Variants in ADCY2 observed in about 807,000 individuals in gnomAD.
ADCY2 encodes the protein adenylate cyclase type 2.
ADCY2 carries 31 observed loss-of-function variants against 125.2 expected under a neutral mutation model. The ratio of observed to expected loss-of-function variants is 0.25; its 90% CI spans 0.19 to 0.33. The LOEUF (loss-of-function observed/expected upper bound fraction) is 0.33. Ranked by LOEUF, ADCY2 falls within the 10% of genes least tolerant of loss-of-function variation. The pLI is 1.00. For missense variants in ADCY2, 904 were observed against 1,418.2 expected (o/e 0.64, Z 5.82); for synonymous variants, 512 against 548.4 (o/e 0.93, Z 0.93).
intron 3 of ADCY2, among the ~76,000 whole-genome samples, chr5:7,600,836 G>A (rs1475553568): frequency 6.6e-6 from 1 of 152,256 alleles, no homozygotes; most frequent in East Asian, 1.9e-4. Flanking sequence ...CTAGGTCACT[G>A]TGAAGTTTAG....
At chr5:7,460,035 C>T (rs1741861527) in intron 2 of ADCY2, among the ~76,000 whole-genome samples, 1 of 151,908 alleles carries the variant, frequency 6.6e-6, no homozygotes, top group Admixed American at 6.6e-5. Context: ...ATCCACCTGT[C>T]TCAGCCTCCC....
At chr5:7,425,755 CT>C (rs1740363472) in intron 2 of ADCY2, among the ~76,000 whole-genome samples, 1 of 152,200 alleles carries the variant, frequency 6.6e-6, no homozygotes. Flanking sequence ...TCACAGTAAA[CT>C]TTTAGATTCA....
At chr5:7,591,059 T>G (rs1038041480) in intron 3 of ADCY2, among the ~76,000 whole-genome samples, 2 of 152,216 alleles carry the variant, frequency 1.3e-5, no homozygotes, top group African/African-American at 4.8e-5. Context: ...AATGATTTTG[T>G]TTTTAGCTTT....
chr5:7,464,563 G>A (rs1742034855), intron 2 of ADCY2, among the ~76,000 whole-genome samples: 1 of 152,142 alleles, frequency 6.6e-6, no homozygotes, highest in South Asian at 2.1e-4. Context: ...TTGTTATGCA[G>A]CAGTAGATAA....
At position 7,550,868 on chromosome 5, in the gene ADCY2, G is replaced by A. The variant is rs76206562; in HGVS notation, c.570+29969G>A. ...TCCCTGGGGCCCCTGGAATCTGATA[G>A]TGGACACTCCATGGCATTCTCTCTT... On this transcript the variant is annotated intron_variant, in intron 3 of 24. Transcript: ENST00000338316. Among the ~76,000 whole-genome samples the A allele has an allele frequency of 3.5e-3, 532 of 152,266 alleles. 3 individuals are homozygous for A. Among genetic ancestry groups the A allele is most frequent in the African/African-American group, 0.012 (497 of 41,566 alleles).
chr5:7,583,940 G>A (rs767285656), intron 3 of ADCY2, among the ~76,000 whole-genome samples: 12 of 152,044 alleles, frequency 7.9e-5, no homozygotes, highest in Non-Finnish European at 1.3e-4. Context: ...GATAAGTCAC[G>A]AAAACATATG....
At chr5:7,632,571 T>C (rs1480557645) in intron 4 of ADCY2, among the ~76,000 whole-genome samples, 5 of 152,188 alleles carry the variant, frequency 3.3e-5, no homozygotes, top group African/African-American at 1.2e-4. Context: ...ACACATACAC[T>C]TTACTTGAAA....
intron 2 of ADCY2, among the ~76,000 whole-genome samples, chr5:7,495,686 C>G (rs950966551): frequency 3.3e-5 from 5 of 152,170 alleles, no homozygotes; most frequent in Non-Finnish European, 7.3e-5. Context: ...TACAAGTAAA[C>G]CTGGAACAAT....
intron 3 of ADCY2, among the ~76,000 whole-genome samples, chr5:7,557,135 T>TATATATATA (rs1554019445): frequency 1.3e-5 from 1 of 77,466 alleles, no homozygotes; most frequent in African/African-American, 3.4e-5. Context: ...CAAAAACAGT[T>TATATATATA]TATATATATA....
chr5:7,805,750 C>T lies in ADCY2; in HGVS notation c.2883+1058C>T, dbSNP rs566542840. ...GCAGCAGGCACCATAACAGAGCTCCCTCTTCCAGGAATATCATGAGAGGGT... is the reference window on the plus strand; with the variant it reads ...GCAGCAGGCACCATAACAGAGCTCCTTCTTCCAGGAATATCATGAGAGGGT... On this transcript the variant is annotated intron_variant, in intron 22 of 24. Transcript: ENST00000338316. Among the ~76,000 whole-genome samples the T allele has an allele frequency of 2.4e-4, 36 of 152,310 alleles. No homozygotes were observed. In the South Asian group the frequency reaches 7.1e-3, roughly 30 times the overall value.
chr5:7,465,073 T>C (rs564270307), intron 2 of ADCY2, among the ~76,000 whole-genome samples: 118 of 152,258 alleles, frequency 7.7e-4, no homozygotes, highest in East Asian at 1.4e-3. Flanking sequence ...TACTCACTAC[T>C]ATGAGAACAG....
At position 7,479,003 on chromosome 5, in the gene ADCY2, C is replaced by A. The variant is rs370198297; in HGVS notation, c.409-41735C>A. ...ATATTTATCTTTTATTTTATAAAGG[C>A]ATAACTTTTTTCGCTCATATTATTG... On this transcript the variant is annotated intron_variant, in intron 2 of 24. Coordinates refer to ENST00000338316, the MANE Select transcript of ADCY2 (RefSeq NM_020546.3). Among the ~76,000 whole-genome samples the A allele has an allele frequency of 8.5e-5, 13 of 152,116 alleles. No homozygotes were observed. In the East Asian group the frequency reaches 2.5e-3, roughly 29 times the overall value.
chr5:7,672,021 C>T (rs1490285846), intron 4 of ADCY2, among the ~76,000 whole-genome samples: 2 of 152,006 alleles, frequency 1.3e-5, no homozygotes, highest in East Asian at 1.9e-4. Flanking sequence ...CTGATGGCTG[C>T]TATCTCAGTA....
intron 16 of ADCY2, among the ~76,000 whole-genome samples, chr5:7,765,250 A>G (rs1743342984): frequency 6.6e-6 from 1 of 152,152 alleles, no homozygotes; most frequent in Non-Finnish European, 1.5e-5. Flanking sequence ...AAGCTAAACA[A>G]TCTCCTTTTG....
chr5:7,480,600 G>A (rs1240329392), intron 2 of ADCY2, among the ~76,000 whole-genome samples: 4 of 152,106 alleles, frequency 2.6e-5, no homozygotes, highest in Non-Finnish European at 5.9e-5. Flanking sequence ...GGGGCCTATT[G>A]GAGGGTGAAG....
chr5:7,712,535 C>T (rs1741472447), intron 10 of ADCY2, among the ~76,000 whole-genome samples: 1 of 152,184 alleles, frequency 6.6e-6, no homozygotes, highest in African/African-American at 2.4e-5. Context: ...CTGATGGTAA[C>T]TCTGATATCA....
At chr5:7,495,167 A>G (rs774428669) in intron 2 of ADCY2, among the ~76,000 whole-genome samples, 11 of 152,208 alleles carry the variant, frequency 7.2e-5, no homozygotes, top group Non-Finnish European at 1.3e-4. Context: ...GTGCCTGCAC[A>G]TGTATGTTAG....
At chr5:7,455,541 A>G (rs1741636055) in intron 2 of ADCY2, among the ~76,000 whole-genome samples, 3 of 150,998 alleles carry the variant, frequency 2.0e-5, no homozygotes, top group Non-Finnish European at 4.4e-5. Flanking sequence ...CACTTATTAT[A>G]TATTATAAAA....
intron 2 of ADCY2, among the ~76,000 whole-genome samples, chr5:7,421,686 C>T (rs957510136): frequency 6.6e-6 from 1 of 152,316 alleles, no homozygotes; most frequent in Non-Finnish European, 1.5e-5. Context: ...ACAGGCATTT[C>T]CATCTTGTGG....
Sources: allele counts gnomAD v4.1 joint callset (sites outside exome capture counted in the v4.1 genomes callset), GRCh38; gene constraint gnomAD v4.1.1; transcripts MANE v1.5; gene names NCBI Gene and HGNC (gene_info 2026-07-23, HGNC 2026-07-21).